The following ARL13B variants were observed in gnomAD, a reference collection of about 807,000 sequenced individuals.
ARL13B encodes the protein ADP-ribosylation factor-like protein 13B.
A neutral mutation model predicts 56.1 loss-of-function variants in ARL13B; 36 were observed. The ratio of observed to expected loss-of-function variants is 0.64; its 90% CI spans 0.49 to 0.85. The LOEUF is 0.85. ARL13B is among the 40% of genes least tolerant of loss of function. ARL13B has a pLI of 0.00. For synonymous variants in ARL13B, 178 were observed against 171.1 expected (o/e 1.04, Z -0.32); for missense variants, 519 against 507.1 (o/e 1.02, Z -0.23).
At position 94,053,994 on chromosome 3, in the gene ARL13B, A is replaced by G. The variant is rs1002417764; in HGVS notation, c.*731A>G. The G allele has an allele frequency of 5.9e-5, 24 of 405,470 alleles. No individual in the cohort carries two copies. Among genetic ancestry groups the G allele is most frequent in the African/African-American group, 2.5e-4 (12 of 48,074 alleles). 25.1% of individuals were successfully genotyped at this position (405,470 alleles called of 1,614,324 possible). A position where few individuals can be genotyped will look rare whatever the true frequency, so the allele number is the denominator to read the frequency against. ...TTACATGATTTGAAAACAGTACTCA[A>G]TGAGACTGGAAATACCTTTTGTACC... On this transcript the variant is annotated 3_prime_UTR_variant, in exon 10 of 10. Transcript: ENST00000394222.
At chr3:94,033,312 A>G (rs1310294215) in intron 3 of ARL13B, among the ~76,000 whole-genome samples, 3 of 152,300 alleles carry the variant, frequency 2.0e-5, no homozygotes, top group East Asian at 3.9e-4. Context: ...CCTCACCACT[A>G]TGCAATATAT....
chr3:93,983,839 A>T (rs940983459), intron 1 of ARL13B, among the ~76,000 whole-genome samples: 2 of 152,150 alleles, frequency 1.3e-5, no homozygotes, highest in East Asian at 3.9e-4. Context: ...TCTGTAGTAC[A>T]ATTGACACTT....
chr3:93,983,713 T>G (rs1012202577), intron 1 of ARL13B, among the ~76,000 whole-genome samples: 1 of 152,174 alleles, frequency 6.6e-6, no homozygotes, highest in Non-Finnish European at 1.5e-5. Flanking sequence ...TGCGCATTTT[T>G]GTTTCTCTCA....
chr3:94,014,270 T>TG, intron 3 of ARL13B: 1 of 857,766 alleles, frequency 1.2e-6, no homozygotes. Context: ...AATTACAACT[T>TG]AACAGTGATG....
intron 3 of ARL13B, among the ~76,000 whole-genome samples, chr3:94,020,632 A>G (rs1176034995): frequency 6.6e-6 from 1 of 152,152 alleles, no homozygotes; most frequent in East Asian, 1.9e-4. Context: ...GTGTCAGGAA[A>G]AGGTGTTTTA....
At chr3:94,048,570 T>G (rs539222726) in intron 7 of ARL13B, among the ~76,000 whole-genome samples, 44 of 152,160 alleles carry the variant, frequency 2.9e-4, no homozygotes, top group African/African-American at 9.6e-4. Context: ...AGGAGTTATT[T>G]TATTTGTTTA....
At chr3:94,007,280 G>C (rs1276606947) in intron 3 of ARL13B, among the ~76,000 whole-genome samples, 1 of 152,182 alleles carries the variant, frequency 6.6e-6, no homozygotes, top group East Asian at 1.9e-4. Flanking sequence ...GACAGAGCCT[G>C]AATTCATTGT....
intron 3 of ARL13B, among the ~76,000 whole-genome samples, chr3:94,021,221 T>G (rs2076441839): frequency 6.6e-6 from 1 of 150,742 alleles, no homozygotes; most frequent in South Asian, 2.1e-4. Context: ...TGAGACAGGG[T>G]CTCGCTCTGT....
intron 7 of ARL13B, among the ~76,000 whole-genome samples, 186 bp downstream of exon 7, chr3:94,043,426 A>G (rs569210961): frequency 2.5e-4 from 38 of 151,176 alleles, no homozygotes; most frequent in Non-Finnish European, 4.4e-4. Flanking sequence ...CTGTTTTTCC[A>G]TGACTTAAAA....
Position 94,054,606 on chromosome 3 carries a change from G to A in ARL13B, c.*1343G>A, listed in dbSNP as rs762697793. On this transcript the variant is annotated 3_prime_UTR_variant, in exon 10 of 10. Transcript: ENST00000394222. ...ATGTGCTAGTATCTGATAACATTAAGTACATTTTATGTCGTTTAATATAAT... is the reference window on the plus strand; with the variant it reads ...ATGTGCTAGTATCTGATAACATTAAATACATTTTATGTCGTTTAATATAAT... The A allele has an allele frequency of 2.6e-6, 1 of 381,018 alleles. No individual in the cohort carries two copies. The highest frequency in any genetic ancestry group is 2.0e-5 in the South Asian group (1 of 50,338). 23.6% of individuals were successfully genotyped at this position (381,018 alleles called of 1,614,324 possible).
intron 6 of ARL13B, 31 bp from the exon 7 acceptor site, chr3:94,042,984 A>G (rs1170965453): frequency 7.9e-6 from 12 of 1,523,274 alleles, no homozygotes; most frequent in East Asian, 2.4e-5. Flanking sequence ...AAACCATCAT[A>G]GTAAAGATAA....
chr3:94,053,075 T>C, intron 9 of ARL13B, 112 bp from the exon 10 acceptor site: 1 of 857,906 alleles, frequency 1.2e-6, no homozygotes, highest in Non-Finnish European at 1.9e-6. Flanking sequence ...TTCTGTAAGT[T>C]TATCTCTTTG....
At chr3:94,021,027 A>G (rs933044591) in intron 3 of ARL13B, among the ~76,000 whole-genome samples, 4 of 152,020 alleles carry the variant, frequency 2.6e-5, no homozygotes, top group Admixed American at 6.6e-5. Context: ...TAGTGTTTCT[A>G]TAAGATCCAA....
At chr3:93,982,185 C>G (rs1190146428) in intron 1 of ARL13B, among the ~76,000 whole-genome samples, 1 of 152,128 alleles carries the variant, frequency 6.6e-6, no homozygotes, top group Non-Finnish European at 1.5e-5. Flanking sequence ...TATATACTCT[C>G]TGGAATGATT....
chr3:94,053,057 T>C, intron 9 of ARL13B, 130 bp from the exon 10 acceptor site: 1 of 756,076 alleles, frequency 1.3e-6, no homozygotes, highest in Admixed American at 2.1e-5. Context: ...TAGAGAGGCA[T>C]GTCAAGATTC....
chr3:93,999,436 C>T (rs2076018743), intron 2 of ARL13B, among the ~76,000 whole-genome samples: 1 of 151,804 alleles, frequency 6.6e-6, no homozygotes, highest in Admixed American at 6.6e-5. Flanking sequence ...CTTTTTTTCC[C>T]TTTTTTATTT....
intron 3 of ARL13B, among the ~76,000 whole-genome samples, chr3:94,028,055 G>A (rs146909484): frequency 0.016 from 2,412 of 152,198 alleles, 58 homozygotes; most frequent in African/African-American, 0.053. Flanking sequence ...AATAATTTTA[G>A]ATCTGTTTTT....
rs369850890 is a variant in ARL13B, at chr3:94,049,499, C to T, written c.1118C>T (p.Thr373Met). ...NIDDCAPESP[T>M]PPPPPPPVGW... ...GATGACTGTGCTCCTGAGAGTCCAA[C>T]GCCACCCCCACCCCCTCCTCCTGGT... The change falls in exon 8 of 10, where the codon ACG (threonine) becomes ATG (methionine). Residue 373 changes from threonine to methionine, a missense_variant. Coordinates refer to ENST00000394222, the MANE Select transcript of ARL13B (RefSeq NM_001174150.2). 62 of 1,608,872 alleles carry T rather than the reference C, an allele frequency of 3.9e-5. No homozygotes were observed. Among genetic ancestry groups the T allele is most frequent in the Admixed American group, 1.7e-4 (10 of 59,808 alleles).
chr3:93,995,887 T>C lies in ARL13B; in HGVS notation c.73T>C (p.Leu25=). 1 of 1,612,312 alleles carries C rather than the reference T, an allele frequency of 6.2e-7. No homozygotes were observed. The highest frequency in any genetic ancestry group is 1.1e-5 in the South Asian group (1 of 90,720). Residue 25 remains leucine, a synonymous_variant, in exon 2 of 10, where the codon TTG becomes CTG. Coordinates refer to ENST00000394222, the MANE Select transcript of ARL13B (RefSeq NM_001174150.2). ...TATTATTTTAAGAAAGGTGACTCTT[T>C]TGATGGTGGGACTTGATAATGCTGG... The part of the protein sequence containing the change: ...WREPVRKVTL[L]MVGLDNAGKT...
Sources: gnomAD v4.1 joint callset for allele counts (sites outside exome capture counted in the v4.1 genomes callset) on GRCh38, gnomAD v4.1.1 for gene constraint, MANE v1.5 for transcripts, NCBI Gene and HGNC (gene_info 2026-07-23, HGNC 2026-07-21) for gene names.